CCDC148: variants seen among roughly 807,000 people sequenced by gnomAD.
The protein encoded by CCDC148 is coiled-coil domain containing 148.
In CCDC148, 89 loss-of-function variants were observed where a neutral mutation model predicts 85.7. That is an observed-to-expected ratio of 1.04 (90% CI 0.87 to 1.24). CCDC148 has a LOEUF of 1.24. Ranked by LOEUF, CCDC148 falls within the 50% of genes most tolerant of loss-of-function variation. The pLI is 0.00. For missense variants in CCDC148, 692 were observed against 671.7 expected, an observed-to-expected ratio of 1.03 and a Z score of -0.33; for synonymous variants, 230 against 213.9, an observed-to-expected ratio of 1.08 and a Z score of -0.66.
chr2:158,302,389 C>T (rs546143224), intron 9 of CCDC148, among the ~76,000 whole-genome samples: 17 of 152,166 alleles, frequency 1.1e-4, no homozygotes, highest in Non-Finnish European at 2.4e-4. Context: ...AAACTAAGGA[C>T]AGGATGAAAG....
chr2:158,404,738 G>A (rs1685928435), intron 1 of CCDC148, among the ~76,000 whole-genome samples: 1 of 152,044 alleles, frequency 6.6e-6, no homozygotes, highest in African/African-American at 2.4e-5. Context: ...ATCAAGCCAG[G>A]AAGGCAGTAA....
At chr2:158,273,870 C>T (rs2105165223) in intron 9 of CCDC148, among the ~76,000 whole-genome samples, 1 of 151,890 alleles carries the variant, frequency 6.6e-6, no homozygotes, top group East Asian at 1.9e-4. Context: ...CCCCACCCAA[C>T]CAAAAAAAAA....
intron 1 of CCDC148, among the ~76,000 whole-genome samples, chr2:158,360,440 G>T (rs553989573): frequency 6.6e-6 from 1 of 152,232 alleles, no homozygotes; most frequent in Non-Finnish European, 1.5e-5. Flanking sequence ...GGCATCTGGT[G>T]GGTGGCCCCT....
chr2:158,172,462 T>TGTAGGGTATATAGAACATA (rs1684362487), intron 13 of CCDC148, among the ~76,000 whole-genome samples: 1 of 152,006 alleles, frequency 6.6e-6, no homozygotes, highest in Non-Finnish European at 1.5e-5. Flanking sequence ...TGGTTTCCCA[T>TGTAGGGTATATAGAACATA]GTAGGGTATA....
chr2:158,352,037 AAC>A (rs1683335940), intron 2 of CCDC148, among the ~76,000 whole-genome samples: 1 of 141,314 alleles, frequency 7.1e-6, no homozygotes, highest in Non-Finnish European at 1.5e-5. Context: ...AAGGAAAACT[AAC>A]AAACAGAAAG....
chr2:158,346,768 A>G (rs1683016384), intron 2 of CCDC148, among the ~76,000 whole-genome samples: 1 of 152,214 alleles, frequency 6.6e-6, no homozygotes, highest in African/African-American at 2.4e-5. Flanking sequence ...TGGAAATGTA[A>G]AGACTTCAGA....
intron 7 of CCDC148, among the ~76,000 whole-genome samples, chr2:158,316,534 C>T (rs1692290540): frequency 6.6e-6 from 1 of 152,132 alleles, no homozygotes; most frequent in Non-Finnish European, 1.5e-5. Flanking sequence ...ACCAAAATTA[C>T]TCAAATTGCA....
At chr2:158,302,796 AT>A (rs1691506763) in intron 9 of CCDC148, among the ~76,000 whole-genome samples, 1 of 145,574 alleles carries the variant, frequency 6.9e-6, no homozygotes. Flanking sequence ...AAAAAAAAAA[AT>A]TATGAGATGG....
At chr2:158,280,250 T>G (rs1690206927) in intron 9 of CCDC148, among the ~76,000 whole-genome samples, 1 of 152,192 alleles carries the variant, frequency 6.6e-6, no homozygotes, top group Admixed American at 6.5e-5. Flanking sequence ...AACATCATAA[T>G]CACAGGTTCA....
At chr2:158,353,655 T>C (rs1171107522) in intron 2 of CCDC148, among the ~76,000 whole-genome samples, 1 of 152,008 alleles carries the variant, frequency 6.6e-6, no homozygotes, top group African/African-American at 2.4e-5. Context: ...ACTGTCAACA[T>C]TAGACAGATC....
chr2:158,197,657 T>C (rs191407750), intron 11 of CCDC148, among the ~76,000 whole-genome samples: 1 of 152,242 alleles, frequency 6.6e-6, no homozygotes, highest in Admixed American at 6.5e-5. Flanking sequence ...GGTCCTTGTG[T>C]TTGTCTAATC....
intron 1 of CCDC148, among the ~76,000 whole-genome samples, chr2:158,385,817 G>T (rs1011729669): frequency 6.6e-6 from 1 of 152,008 alleles, no homozygotes; most frequent in African/African-American, 2.4e-5. Context: ...GCAAGATAGG[G>T]CCTCTTGAAA....
At chr2:158,427,054 G>T (rs1461161426) in intron 1 of CCDC148, among the ~76,000 whole-genome samples, 3 of 152,002 alleles carry the variant, frequency 2.0e-5, no homozygotes, top group Admixed American at 1.3e-4. Flanking sequence ...ATGAATAAAG[G>T]CTTTTGAAAT....
At chr2:158,321,193 T>A (rs187700082) in intron 7 of CCDC148, among the ~76,000 whole-genome samples, 5 of 152,084 alleles carry the variant, frequency 3.3e-5, no homozygotes, top group African/African-American at 7.2e-5. Context: ...TATAAAACCA[T>A]AAAGTAGTTA....
chr2:158,374,214 T>C (rs1684562248), intron 1 of CCDC148, among the ~76,000 whole-genome samples: 1 of 152,062 alleles, frequency 6.6e-6, no homozygotes, highest in African/African-American at 2.4e-5. Context: ...GCACTGGCTC[T>C]AAGTTCACAT....
At chr2:158,253,646 T>A (rs1402869) in intron 9 of CCDC148, among the ~76,000 whole-genome samples, 24,316 of 151,584 alleles carry the variant, frequency 0.16, 2,502 homozygotes, top group Middle Eastern at 0.25. Flanking sequence ...TAACTTTTAT[T>A]TAATCCTTCA....
intron 7 of CCDC148, among the ~76,000 whole-genome samples, chr2:158,329,526 G>GT (rs1248182623): frequency 5.3e-5 from 8 of 151,928 alleles, no homozygotes; most frequent in African/African-American, 1.9e-4. Flanking sequence ...CTTTAAAGTA[G>GT]TTTTTTCCAA....
chr2:158,383,287 A>C (rs1257452930), intron 1 of CCDC148, among the ~76,000 whole-genome samples: 1 of 152,110 alleles, frequency 6.6e-6, no homozygotes, highest in Non-Finnish European at 1.5e-5. Flanking sequence ...ACTGCACTCA[A>C]GCCTGCGTGA....
At chr2:158,417,381 A>G (rs1370245858) in intron 1 of CCDC148, among the ~76,000 whole-genome samples, 1 of 152,226 alleles carries the variant, frequency 6.6e-6, no homozygotes, top group African/African-American at 2.4e-5. Context: ...GCTGATGGAC[A>G]GCCCCAGCTA....
Sources: allele counts gnomAD v4.1 joint callset (sites outside exome capture counted in the v4.1 genomes callset), GRCh38; gene constraint gnomAD v4.1.1; transcripts MANE v1.5; gene names NCBI Gene and HGNC (gene_info 2026-07-23, HGNC 2026-07-21).